The following ARB2A variants were observed in gnomAD, a reference collection of about 807,000 sequenced individuals.
ARB2A encodes ARB2 cotranscriptional regulator A, also known as cotranscriptional regulator ARB2A.
At chr5:93,732,080 TCTAGAGGTAGCCC>T in the ARB2A span, among the ~76,000 whole-genome samples, 1 of 152,200 alleles carries the variant, frequency 6.6e-6, no homozygotes, top group Non-Finnish European at 1.5e-5. Flanking sequence ...CAGACTGTTT[TCTAGAGGTAGCCC>T]CTTCGATAAA....
the ARB2A span, chr5:93,805,931 T>G: frequency 1.0e-6 from 1 of 985,146 alleles, no homozygotes; most frequent in East Asian, 1.1e-4. Context: ...CTGTGAAATA[T>G]ATAGACTCTT....
chr5:93,821,526 T>C, the ARB2A span, among the ~76,000 whole-genome samples: 2 of 152,116 alleles, frequency 1.3e-5, no homozygotes, highest in Admixed American at 1.3e-4. Flanking sequence ...AAACAATTCA[T>C]ACAATACAGT....
the ARB2A span, among the ~76,000 whole-genome samples, chr5:94,020,719 A>T: frequency 1.3e-5 from 2 of 152,342 alleles, no homozygotes; most frequent in South Asian, 4.1e-4. Context: ...ATTTAAATAG[A>T]GGCCTGAACC....
the ARB2A span, among the ~76,000 whole-genome samples, chr5:94,095,462 G>A: frequency 6.6e-6 from 1 of 152,230 alleles, no homozygotes. Flanking sequence ...CACACAGATA[G>A]CCATGACATG....
the ARB2A span, among the ~76,000 whole-genome samples, chr5:93,841,555 A>G: frequency 6.6e-6 from 1 of 152,192 alleles, no homozygotes; most frequent in Non-Finnish European, 1.5e-5. Context: ...ACTGAAGGAC[A>G]ATTATTTATG....
the ARB2A span, among the ~76,000 whole-genome samples, chr5:93,923,822 C>T: frequency 4.2e-3 from 643 of 152,066 alleles, 2 homozygotes; most frequent in Middle Eastern, 6.8e-3. Flanking sequence ...AACAAACATA[C>T]CAAAGAAAGA....
At chr5:94,049,235 C>G in the ARB2A span, among the ~76,000 whole-genome samples, 2 of 152,190 alleles carry the variant, frequency 1.3e-5, no homozygotes, top group Non-Finnish European at 2.9e-5. Flanking sequence ...AAGGTTCCTA[C>G]AAGCAGTACC....
chr5:94,022,948 G>A, the ARB2A span, among the ~76,000 whole-genome samples: 2 of 152,178 alleles, frequency 1.3e-5, no homozygotes, highest in African/African-American at 4.8e-5. Flanking sequence ...TGACGTTAAG[G>A]AGGATACAAG....
At chr5:94,091,242 T>C in the ARB2A span, among the ~76,000 whole-genome samples, 3 of 152,232 alleles carry the variant, frequency 2.0e-5, no homozygotes, top group Non-Finnish European at 4.4e-5. Context: ...TAGTTTGTTT[T>C]CAATTATGAA....
chr5:93,787,053 G>T, the ARB2A span, among the ~76,000 whole-genome samples: 1 of 152,060 alleles, frequency 6.6e-6, no homozygotes, highest in South Asian at 2.1e-4. Flanking sequence ...ATTTAATTAG[G>T]ATCCATTGAT....
the ARB2A span, among the ~76,000 whole-genome samples, chr5:93,949,859 A>G: frequency 1.3e-5 from 2 of 151,988 alleles, no homozygotes; most frequent in African/African-American, 4.8e-5. Flanking sequence ...TAAACTTTCA[A>G]TTATTAGCTG....
the ARB2A span, among the ~76,000 whole-genome samples, chr5:93,791,756 G>A: frequency 4.6e-5 from 7 of 152,134 alleles, no homozygotes; most frequent in African/African-American, 1.2e-4. Context: ...GGTCACATGC[G>A]TTTATGAAGA....
At chr5:94,098,921 G>A in the ARB2A span, among the ~76,000 whole-genome samples, 1 of 151,998 alleles carries the variant, frequency 6.6e-6, no homozygotes, top group African/African-American at 2.4e-5. Context: ...TCCCAAGACG[G>A]AGCCAGAAAG....
At chr5:93,838,359 TA>T in the ARB2A span, among the ~76,000 whole-genome samples, 1 of 152,174 alleles carries the variant, frequency 6.6e-6, no homozygotes, top group Non-Finnish European at 1.5e-5. Flanking sequence ...TTGGTATATG[TA>T]TCTGTTTTTG....
the ARB2A span, among the ~76,000 whole-genome samples, chr5:93,766,738 G>T: frequency 5.9e-5 from 9 of 151,950 alleles, no homozygotes; most frequent in African/African-American, 1.9e-4. Flanking sequence ...ACACATGCAC[G>T]TGTATGTTTA....
At chr5:93,759,023 A>AG in the ARB2A span, among the ~76,000 whole-genome samples, 3 of 152,164 alleles carry the variant, frequency 2.0e-5, no homozygotes, top group African/African-American at 7.2e-5. Context: ...AGAAAAGAAG[A>AG]GAAAAAATCC....
At chr5:93,887,503 C>T in the ARB2A span, among the ~76,000 whole-genome samples, 1 of 151,560 alleles carries the variant, frequency 6.6e-6, no homozygotes, top group East Asian at 1.9e-4. Flanking sequence ...ATACCTTCTC[C>T]AGTTAGATTA....
At chr5:93,875,364 TG>T in the ARB2A span, among the ~76,000 whole-genome samples, 1 of 152,106 alleles carries the variant, frequency 6.6e-6, no homozygotes, top group East Asian at 1.9e-4. Context: ...CCCAAGTAGC[TG>T]GGATTACAGG....
the ARB2A span, among the ~76,000 whole-genome samples, chr5:93,841,677 T>G: frequency 6.6e-6 from 1 of 152,228 alleles, no homozygotes; most frequent in Admixed American, 6.5e-5. Flanking sequence ...ACCTAGGTAG[T>G]CTGAGTTCAT....
Sources: gnomAD v4.1 joint callset for allele counts (sites outside exome capture counted in the v4.1 genomes callset) on GRCh38, gnomAD v4.1.1 for gene constraint, MANE v1.5 for transcripts, NCBI Gene and HGNC (gene_info 2026-07-23, HGNC 2026-07-21) for gene names.